Variants in CMPK1 observed in about 807,000 individuals in gnomAD.
The protein encoded by CMPK1 is UMP-CMP kinase.
A neutral mutation model predicts 25.7 loss-of-function variants in CMPK1; 10 were observed. That is an observed-to-expected ratio of 0.39 (90% confidence interval 0.24 to 0.66). The LOEUF (loss-of-function observed/expected upper bound fraction) is 0.66, where lower values mean the gene tolerates loss of function less well. Ranked by LOEUF, CMPK1 falls within the 30% of genes least tolerant of loss-of-function variation. The pLI is 0.48. For missense variants in CMPK1, 199 were observed against 280.5 expected (o/e 0.71, Z 2.08); for synonymous variants, 106 against 101.5 (o/e 1.04, Z -0.27).
chr1:47,369,007 T>TTTTG (rs1424133753), intron 2 of CMPK1, among the ~76,000 whole-genome samples: 1 of 151,168 alleles, frequency 6.6e-6, no homozygotes, highest in African/African-American at 2.5e-5. Context: ...ATCAAAGATT[T>TTTTG]TTTGTTTTGT....
At position 47,353,634 on chromosome 1, in the gene CMPK1, A is replaced by G. The variant is rs550464255; in HGVS notation, c.172-14835A>G. On this transcript the variant is annotated intron_variant, in intron 1 of 5. Coordinates refer to ENST00000371873, the MANE Select transcript of CMPK1 (RefSeq NM_016308.3). ...ATATTGGGATTCTTATCCTTACTTC[A>G]TGTGAGACAACTGAATTTTATTTTG... 4.6e-5 allele frequency among the ~76,000 whole-genome samples: 7 copies of G among 152,144 alleles called. No individual in the cohort carries two copies. In the East Asian group the frequency reaches 1.4e-3, roughly 29 times the overall value.
intron 1 of CMPK1, among the ~76,000 whole-genome samples, chr1:47,354,575 T>G (rs570425323): frequency 2.0e-5 from 3 of 151,562 alleles, no homozygotes; most frequent in African/African-American, 7.3e-5. Context: ...CACATACACA[T>G]AGTGCTTATT....
chr1:47,358,261 C>T (rs572808263), intron 1 of CMPK1: 58 of 476,848 alleles, frequency 1.2e-4, no homozygotes, highest in Admixed American at 2.1e-4. Flanking sequence ...TACAGGTGCA[C>T]GTCACCATGA....
At chr1:47,336,991 C>G (rs989893029) in intron 1 of CMPK1, among the ~76,000 whole-genome samples, 1 of 152,114 alleles carries the variant, frequency 6.6e-6, no homozygotes, top group African/African-American at 2.4e-5. Flanking sequence ...AAAAAATAAT[C>G]TACACATTCA....
intron 1 of CMPK1, among the ~76,000 whole-genome samples, chr1:47,357,481 T>TC (rs1174158334): frequency 1.6e-4 from 5 of 31,442 alleles, no homozygotes; most frequent in Non-Finnish European, 3.9e-4. Flanking sequence ...ATTAATGGAT[T>TC]CTTTTTTTTT....
At chr1:47,348,342 ATG>A (rs1646499623) in intron 1 of CMPK1, among the ~76,000 whole-genome samples, 1 of 152,198 alleles carries the variant, frequency 6.6e-6, no homozygotes, top group African/African-American at 2.4e-5. Context: ...CCATATGAAA[ATG>A]TGTTTGCTCT....
At chr1:47,339,062 T>G (rs77004979) in intron 1 of CMPK1, among the ~76,000 whole-genome samples, 4 of 151,808 alleles carry the variant, frequency 2.6e-5, no homozygotes, top group South Asian at 2.1e-4. Context: ...TTTTTTTTTT[T>G]TGAGAGAGGG....
chr1:47,357,808 A>G (rs747548591), intron 1 of CMPK1, among the ~76,000 whole-genome samples: 19 of 151,936 alleles, frequency 1.3e-4, no homozygotes, highest in Admixed American at 5.9e-4. Context: ...TATGTCAAAT[A>G]CAATCCAAGC....
chr1:47,369,763 T>C (rs1027293612), intron 2 of CMPK1, among the ~76,000 whole-genome samples: 2 of 151,784 alleles, frequency 1.3e-5, no homozygotes, highest in Non-Finnish European at 2.9e-5. Context: ...GGTTTCACCA[T>C]GTTGGCCATG....
At chr1:47,351,570 C>CTGTT (rs1284437698) in intron 1 of CMPK1, among the ~76,000 whole-genome samples, 2 of 152,208 alleles carry the variant, frequency 1.3e-5, no homozygotes, top group African/African-American at 4.8e-5. Flanking sequence ...CTGTTTGAGT[C>CTGTT]TGTTTTCAGT....
chr1:47,376,561 C>T lies in CMPK1; in HGVS notation c.646-143C>T, dbSNP rs1570386420. On this transcript the variant is annotated intron_variant, in intron 5 of 5. Transcript: ENST00000371873. ...GAACTCCTGAACTCAAGTGATCTGC[C>T]CGCCTCGACCTCCCAAAGTGCTGGG... is the stretch of plus-strand genomic sequence containing the variant. 3 of 452,344 alleles carry T rather than the reference C, an allele frequency of 6.6e-6. No individual in the cohort carries two copies. In the Admixed American group the frequency reaches 1.2e-4, roughly 17 times the overall value. 28.0% of individuals were successfully genotyped at this position (452,344 alleles called of 1,614,324 possible).
At chr1:47,358,631 T>A (rs1198201327) in intron 1 of CMPK1, 1 of 993,334 alleles carries the variant, frequency 1.0e-6, no homozygotes. Flanking sequence ...TTAGTTTTAG[T>A]TATAAAACCT....
chr1:47,356,992 C>T (rs1176107214), intron 1 of CMPK1, among the ~76,000 whole-genome samples: 2 of 123,680 alleles, frequency 1.6e-5, no homozygotes, highest in Non-Finnish European at 1.6e-5. Context: ...GAGACCGAGT[C>T]TTGCCCTGTC....
intron 1 of CMPK1, among the ~76,000 whole-genome samples, chr1:47,361,485 A>C (rs911561795): frequency 1.3e-5 from 2 of 152,206 alleles, no homozygotes; most frequent in African/African-American, 4.8e-5. Flanking sequence ...AACCTCTATA[A>C]AGTGGCTGAA....
At chr1:47,367,941 A>G (rs1251214540) in intron 1 of CMPK1, among the ~76,000 whole-genome samples, 1 of 151,574 alleles carries the variant, frequency 6.6e-6, no homozygotes, top group East Asian at 1.9e-4. Context: ...CTAATTTTTA[A>G]ATTTATTTTT....
intron 5 of CMPK1, among the ~76,000 whole-genome samples, 190 bp from the exon 6 acceptor site, chr1:47,376,514 C>T (rs1033617025): frequency 6.6e-6 from 1 of 152,040 alleles, no homozygotes; most frequent in Non-Finnish European, 1.5e-5. Context: ...CGGGGTTTTG[C>T]CATGTTGGCC....
intron 2 of CMPK1, among the ~76,000 whole-genome samples, chr1:47,369,898 TC>T (rs1646665347): frequency 8.0e-6 from 1 of 124,234 alleles, no homozygotes; most frequent in Non-Finnish European, 1.7e-5. Context: ...CTTTCTTTCT[TC>T]TTTCTCTCTC....
At chr1:47,358,353 C>A in intron 1 of CMPK1, 1 of 1,075,600 alleles carries the variant, frequency 9.3e-7, no homozygotes, top group South Asian at 1.3e-5. Context: ...CCTCGAGCAA[C>A]CCTCTCGTCT....
chr1:47,352,306 AT>A (rs999874132), intron 1 of CMPK1, among the ~76,000 whole-genome samples: 2 of 152,072 alleles, frequency 1.3e-5, no homozygotes, highest in African/African-American at 4.8e-5. Flanking sequence ...TGGTAGTGGT[AT>A]TTCTTTAAAG....
Sources: gnomAD v4.1 joint callset for allele counts (sites outside exome capture counted in the v4.1 genomes callset) on GRCh38, gnomAD v4.1.1 for gene constraint, MANE v1.5 for transcripts, NCBI Gene and HGNC (gene_info 2026-07-23, HGNC 2026-07-21) for gene names.